CIRSR: variants seen among roughly 807,000 people sequenced by gnomAD.
CIRSR encodes the protein CBF1 (RBPJ) interacting corepressor 1.
chr2:174,382,242 A>G, the CIRSR span, among the ~76,000 whole-genome samples: 2 of 152,234 alleles, frequency 1.3e-5, no homozygotes, highest in African/African-American at 4.8e-5. Context: ...TGGAAAAAAT[A>G]AGTCTCTCAG....
the CIRSR span, among the ~76,000 whole-genome samples, chr2:174,386,389 T>C: frequency 4.6e-5 from 7 of 152,050 alleles, no homozygotes; most frequent in Non-Finnish European, 8.8e-5. Context: ...TCCATGTTGG[T>C]CAGGCTGGTC....
chr2:174,388,195 T>C, the CIRSR span, among the ~76,000 whole-genome samples: 1 of 152,164 alleles, frequency 6.6e-6, no homozygotes, highest in African/African-American at 2.4e-5. Context: ...CTGAAGTGTC[T>C]TGATACGAGT....
chr2:174,386,113 C>A, the CIRSR span, among the ~76,000 whole-genome samples: 1 of 152,216 alleles, frequency 6.6e-6, no homozygotes, highest in South Asian at 2.1e-4. Context: ...AACTCAACAA[C>A]TGTTTCCTGA....
the CIRSR span, among the ~76,000 whole-genome samples, chr2:174,354,493 TAA>T: frequency 3.4e-4 from 15 of 43,696 alleles, no homozygotes; most frequent in East Asian, 7.3e-3. Context: ...TTATATTATA[TAA>T]ATTATATTAT....
the CIRSR span, among the ~76,000 whole-genome samples, chr2:174,388,015 A>C: frequency 1.3e-5 from 2 of 152,172 alleles, no homozygotes; most frequent in Admixed American, 6.5e-5. Context: ...AAGGGCAAAA[A>C]AATCTCATAA....
the CIRSR span, among the ~76,000 whole-genome samples, chr2:174,389,723 G>T: frequency 6.6e-6 from 1 of 152,152 alleles, no homozygotes. Flanking sequence ...GGAGGCCTAG[G>T]AGAAGGAAAA....
chr2:174,376,816 A>G, the CIRSR span, among the ~76,000 whole-genome samples: 2 of 146,704 alleles, frequency 1.4e-5, no homozygotes, highest in East Asian at 2.1e-4. Flanking sequence ...AAAAAAAAAA[A>G]AAAAGAAAGA....
At chr2:174,354,465 AAATATATAT>A in the CIRSR span, among the ~76,000 whole-genome samples, 1 of 93,062 alleles carries the variant, frequency 1.1e-5, no homozygotes, top group Non-Finnish European at 2.0e-5. Context: ...ATAATATATA[AAATATATAT>A]AATATATATT....
At chr2:174,360,722 T>C in the CIRSR span, among the ~76,000 whole-genome samples, 2 of 152,186 alleles carry the variant, frequency 1.3e-5, no homozygotes, top group Non-Finnish European at 2.9e-5. Context: ...GGTCATTTAC[T>C]GACAGAACAA....
the CIRSR span, chr2:174,387,692 CAT>C: frequency 6.3e-7 from 1 of 1,581,318 alleles, no homozygotes; most frequent in Admixed American, 1.9e-5. Flanking sequence ...TACCTATTAT[CAT>C]ATGATTCTTG....
At chr2:174,380,104 A>T in the CIRSR span, 1 of 714,178 alleles carries the variant, frequency 1.4e-6, no homozygotes, top group Non-Finnish European at 2.3e-6. Flanking sequence ...TAAAAACCAT[A>T]GTGCCCCTTT....
the CIRSR span, chr2:174,348,279 T>C: frequency 1.5e-5 from 9 of 581,292 alleles, 1 homozygote; most frequent in East Asian, 9.9e-5. Flanking sequence ...AGCCCCAAAA[T>C]AGCTTACTTA....
chr2:174,372,585 T>C, the CIRSR span, among the ~76,000 whole-genome samples: 1 of 152,180 alleles, frequency 6.6e-6, no homozygotes, highest in East Asian at 1.9e-4. Flanking sequence ...TTTTATTAGA[T>C]ATCTAGGTGT....
At chr2:174,395,412 G>T in the CIRSR span, 1 of 811,572 alleles carries the variant, frequency 1.2e-6, no homozygotes, top group Non-Finnish European at 2.0e-6. Flanking sequence ...AGCAGAGAAA[G>T]GCGAGACCAC....
chr2:174,392,058 C>T, the CIRSR span, among the ~76,000 whole-genome samples: 6 of 152,168 alleles, frequency 3.9e-5, no homozygotes, highest in East Asian at 3.9e-4. Flanking sequence ...AGTGCAGTGG[C>T]GCAATCTTGG....
At chr2:174,375,977 C>T in the CIRSR span, among the ~76,000 whole-genome samples, 2 of 152,174 alleles carry the variant, frequency 1.3e-5, no homozygotes, top group African/African-American at 4.8e-5. Flanking sequence ...CCTGCCTCAG[C>T]CTCTCAAGTA....
At chr2:174,385,250 T>C in the CIRSR span, among the ~76,000 whole-genome samples, 7 of 149,730 alleles carry the variant, frequency 4.7e-5, no homozygotes, top group Non-Finnish European at 8.9e-5. Context: ...TTTTTTTTCA[T>C]CTTAGGAAAA....
the CIRSR span, among the ~76,000 whole-genome samples, chr2:174,356,555 GGAA>G: frequency 6.8e-6 from 1 of 147,346 alleles, no homozygotes; most frequent in Non-Finnish European, 1.5e-5. Context: ...AGGAAGGAAA[GGAA>G]GAAAGAAAGG....
chr2:174,376,110 C>T, the CIRSR span, among the ~76,000 whole-genome samples: 3 of 152,186 alleles, frequency 2.0e-5, no homozygotes, highest in East Asian at 5.8e-4. Flanking sequence ...ATCCTCCTGC[C>T]TTGGGCTTTC....
Sources: allele counts gnomAD v4.1 joint callset (sites outside exome capture counted in the v4.1 genomes callset), GRCh38; gene constraint gnomAD v4.1.1; transcripts MANE v1.5; gene names NCBI Gene and HGNC (gene_info 2026-07-23, HGNC 2026-07-21).